CACNG4: variants seen among roughly 807,000 people sequenced by gnomAD.
CACNG4 encodes voltage-dependent calcium channel gamma-4 subunit.
Under a neutral mutation model 22.9 loss-of-function variants are expected in CACNG4, and 8 were observed. The observed-to-expected ratio is 0.35, with a 90% CI of 0.21 to 0.63. The LOEUF (loss-of-function observed/expected upper bound fraction) is 0.63, where lower values mean the gene tolerates loss of function less well. Ranked by LOEUF, CACNG4 falls within the 30% of genes least tolerant of loss-of-function variation. CACNG4 has a pLI of 0.72. For missense variants in CACNG4, 357 were observed against 455.4 expected, an observed-to-expected ratio of 0.78 and a Z score of 1.97; for synonymous variants, 188 against 191.9, an observed-to-expected ratio of 0.98 and a Z score of 0.17.
chr17:66,971,025 G>A (rs1014613266), intron 1 of CACNG4, among the ~76,000 whole-genome samples: 1 of 152,220 alleles, frequency 6.6e-6, no homozygotes, highest in Non-Finnish European at 1.5e-5. Flanking sequence ...TGTCAGAGGC[G>A]AGGAAGCCAC....
At chr17:66,974,609 A>T (rs1445942836) in intron 1 of CACNG4, among the ~76,000 whole-genome samples, 1 of 152,112 alleles carries the variant, frequency 6.6e-6, no homozygotes. Flanking sequence ...AGTGCTCGTT[A>T]GGGTACCTCT....
At chr17:66,983,814 C>T (rs962674911) in intron 1 of CACNG4, among the ~76,000 whole-genome samples, 2 of 152,204 alleles carry the variant, frequency 1.3e-5, no homozygotes, top group Admixed American at 6.5e-5. Context: ...TTGGCATTCA[C>T]GTGGTGACTC....
At chr17:66,978,956 G>A (rs2035254678) in intron 1 of CACNG4, among the ~76,000 whole-genome samples, 1 of 152,212 alleles carries the variant, frequency 6.6e-6, no homozygotes, top group African/African-American at 2.4e-5. Flanking sequence ...CTTGTGGCCT[G>A]CGGCCTTGAG....
chr17:66,965,187 TATACACACGCGCGCGCGCGCGCGCGCAC>T, intron 1 of CACNG4, 56 bp downstream of exon 1: 2 of 755,434 alleles, frequency 2.6e-6, no homozygotes, highest in African/African-American at 2.8e-5. Context: ...CACACACACA[TATACACACGCGCGCGCGCGCGCGCGCAC>T]ACACACACAC....
chr17:67,007,883 C>T (rs1292292717), intron 1 of CACNG4, among the ~76,000 whole-genome samples: 1 of 152,182 alleles, frequency 6.6e-6, no homozygotes. Flanking sequence ...TCCTTCATCC[C>T]ATGGCAGGTT....
At chr17:66,992,995 C>T (rs536616166) in intron 1 of CACNG4, among the ~76,000 whole-genome samples, 3 of 152,380 alleles carry the variant, frequency 2.0e-5, no homozygotes, top group East Asian at 1.9e-4. Context: ...GAGCGCCCAC[C>T]TTGCACCTAG....
At chr17:66,990,881 C>T (rs890084891) in intron 1 of CACNG4, among the ~76,000 whole-genome samples, 6 of 151,892 alleles carry the variant, frequency 4.0e-5, no homozygotes, top group African/African-American at 9.7e-5. Context: ...GGGGTTTCAC[C>T]GTGTTAGTCA....
intron 1 of CACNG4, among the ~76,000 whole-genome samples, chr17:66,979,975 T>A (rs1364869121): frequency 1.3e-5 from 2 of 152,096 alleles, no homozygotes; most frequent in Non-Finnish European, 2.9e-5. Flanking sequence ...AGGCTGGTCT[T>A]GAACTCCTGA....
chr17:67,029,895 G>A (rs7216886), intron 3 of CACNG4, among the ~76,000 whole-genome samples: 111,187 of 152,210 alleles, frequency 0.73, 41,696 homozygotes, highest in East Asian at 0.98. Context: ...TGCACCCCGT[G>A]GTTGTACCCA....
At chr17:66,967,115 C>T (rs2035175766) in intron 1 of CACNG4, among the ~76,000 whole-genome samples, 1 of 152,322 alleles carries the variant, frequency 6.6e-6, no homozygotes, top group South Asian at 2.1e-4. Context: ...CGCCAGCAAA[C>T]CTGGCTTCCT....
chr17:66,994,513 A>G (rs539019799), intron 1 of CACNG4, among the ~76,000 whole-genome samples: 32 of 152,286 alleles, frequency 2.1e-4, no homozygotes, highest in African/African-American at 7.7e-4. Flanking sequence ...CAAGCAGCCC[A>G]TGCTGCTGTC....
chr17:66,989,450 A>G (rs1315376335), intron 1 of CACNG4, among the ~76,000 whole-genome samples: 1 of 151,428 alleles, frequency 6.6e-6, no homozygotes, highest in Non-Finnish European at 1.5e-5. Flanking sequence ...GAGCTAAGAG[A>G]AAAGCATGGG....
chr17:66,985,899 T>C (rs570303823), intron 1 of CACNG4, among the ~76,000 whole-genome samples: 47 of 151,768 alleles, frequency 3.1e-4, no homozygotes, highest in Non-Finnish European at 5.6e-4. Context: ...TGGTAAGTCA[T>C]GTGAGCCAGT....
At chr17:66,996,279 G>A (rs1598111853) in intron 1 of CACNG4, among the ~76,000 whole-genome samples, 2 of 151,798 alleles carry the variant, frequency 1.3e-5, no homozygotes, top group East Asian at 3.9e-4. Context: ...TTTGCACGCA[G>A]ACACAGAGCC....
intron 1 of CACNG4, among the ~76,000 whole-genome samples, chr17:66,982,110 A>G (rs1223777480): frequency 6.6e-6 from 1 of 152,180 alleles, no homozygotes; most frequent in Non-Finnish European, 1.5e-5. Flanking sequence ...GGTGGCACGG[A>G]CCCAAAGAGT....
intron 1 of CACNG4, among the ~76,000 whole-genome samples, chr17:66,981,223 A>G (rs1272621855): frequency 1.3e-5 from 2 of 152,190 alleles, no homozygotes; most frequent in Non-Finnish European, 2.9e-5. Context: ...GGAATATGGA[A>G]GGAGATGCTG....
chr17:66,974,973 G>A (rs1377000091), intron 1 of CACNG4, among the ~76,000 whole-genome samples: 1 of 122,672 alleles, frequency 8.2e-6, no homozygotes, highest in African/African-American at 3.1e-5. Flanking sequence ...CCCTGACGCC[G>A]TGACTTGCCT....
chr17:66,980,232 T>C (rs1274506059), intron 1 of CACNG4, among the ~76,000 whole-genome samples: 3 of 152,224 alleles, frequency 2.0e-5, no homozygotes, highest in South Asian at 2.1e-4. Flanking sequence ...AATTTCCACA[T>C]TGGGCTTCCA....
In CACNG4 at chr17:67,033,293, A is replaced by G. The variant is rs979930758; in HGVS notation, c.*2289A>G. 3.6e-5 allele frequency: 1 copy of G among 28,078 alleles called. No individual in the cohort carries two copies. Among genetic ancestry groups the G allele is most frequent in the Non-Finnish European group, 7.5e-5 (1 of 13,396 alleles). 1.7% of individuals were successfully genotyped at this position (28,078 alleles called of 1,614,324 possible). A position where few individuals can be genotyped will look rare whatever the true frequency, so the allele number is the denominator to read the frequency against. ...CCTCCCGACCCGCCCCCTCGCCCCC[A>G]CCCCTGTGTGTTTCGCCAGTTAAGC... is the stretch of plus-strand genomic sequence containing the variant. On this transcript the variant is annotated 3_prime_UTR_variant, in exon 4 of 4. Coordinates refer to ENST00000262138, the MANE Select transcript of CACNG4 (RefSeq NM_014405.4).
Sources: allele counts gnomAD v4.1 joint callset (sites outside exome capture counted in the v4.1 genomes callset), GRCh38; gene constraint gnomAD v4.1.1; transcripts MANE v1.5; gene names NCBI Gene and HGNC (gene_info 2026-07-23, HGNC 2026-07-21).